The following OLFM3 variants were observed in gnomAD, a reference collection of about 807,000 sequenced individuals.
OLFM3 encodes noelin-3.
A neutral mutation model predicts 48.6 loss-of-function variants in OLFM3; 20 were observed. The observed-to-expected ratio is 0.41, with a 90% confidence interval of 0.29 to 0.60. The LOEUF (loss-of-function observed/expected upper bound fraction) is 0.60. OLFM3 is among the 20% of genes least tolerant of loss of function. The pLI, the probability that OLFM3 is intolerant of heterozygous loss-of-function variation, is 0.28. For synonymous variants in OLFM3, 222 were observed against 198.1 expected (o/e 1.12, Z -1.01); for missense variants, 437 against 544.3 (o/e 0.80, Z 1.96).
intron 1 of OLFM3, among the ~76,000 whole-genome samples, chr1:101,854,948 A>G (rs181866605): frequency 1.1e-3 from 162 of 152,214 alleles, no homozygotes; most frequent in African/African-American, 3.7e-3. Flanking sequence ...TCAGTGCTCA[A>G]TCAATGTTTG....
At chr1:101,963,018 T>C (rs1215257002) in intron 1 of OLFM3, among the ~76,000 whole-genome samples, 1 of 152,238 alleles carries the variant, frequency 6.6e-6, no homozygotes, top group Non-Finnish European at 1.5e-5. Flanking sequence ...AATTCCCTAG[T>C]GGGCTCTCTT....
rs1017697806 is a variant in OLFM3 at position 101,968,520 on chromosome 1, CTCTT to C, written c.69+28224_69+28227del. ...AAACTTAAATGAAAAAGAACTTCCT[CTCTT>C]TTTGTTCTGAAAAAAAAAAAAAAAA... is the stretch of plus-strand genomic sequence containing the variant. On this transcript the variant is annotated intron_variant, in intron 1 of 5. Coordinates refer to ENST00000370103, the MANE Select transcript of OLFM3 (RefSeq NM_058170.4). Among the ~76,000 whole-genome samples the C allele has an allele frequency of 4.8e-5, 5 of 104,206 alleles. No homozygotes were observed. The Admixed American group carries it at 6.3e-4, about 13-fold the overall frequency. The allele number at this position is 104,206 out of a possible 152,430, so 68.4% of individuals were successfully genotyped here.
intron 4 of OLFM3, among the ~76,000 whole-genome samples, chr1:101,807,371 T>G (rs1206666812): frequency 6.6e-6 from 1 of 151,828 alleles, no homozygotes; most frequent in Non-Finnish European, 1.5e-5. Context: ...TTTCTTTTCT[T>G]AAAACTCTTT....
chr1:101,907,496 G>C (rs1333789477), intron 1 of OLFM3, among the ~76,000 whole-genome samples: 1 of 152,170 alleles, frequency 6.6e-6, no homozygotes, highest in Admixed American at 6.5e-5. Flanking sequence ...CTCTGACTTT[G>C]ATAGCTGTTT....
chr1:101,995,967 A>G (rs1661545359), intron 1 of OLFM3, among the ~76,000 whole-genome samples: 1 of 152,154 alleles, frequency 6.6e-6, no homozygotes, highest in Non-Finnish European at 1.5e-5. Flanking sequence ...ATCGTTGAAA[A>G]TATTTGTCCA....
intron 1 of OLFM3, among the ~76,000 whole-genome samples, chr1:101,916,342 T>C (rs1658924457): frequency 6.6e-6 from 1 of 152,154 alleles, no homozygotes; most frequent in Non-Finnish European, 1.5e-5. Context: ...GTCTTCCCTC[T>C]GAGATATTAC....
intron 1 of OLFM3, among the ~76,000 whole-genome samples, chr1:101,859,620 A>C (rs1447691826): frequency 6.6e-6 from 1 of 152,134 alleles, no homozygotes; most frequent in Admixed American, 6.5e-5. Context: ...CCAAAAATCC[A>C]AAATCCAAAA....
chr1:101,850,606 G>A (rs1156966099), intron 1 of OLFM3, among the ~76,000 whole-genome samples: 1 of 151,842 alleles, frequency 6.6e-6, no homozygotes, highest in Non-Finnish European at 1.5e-5. Flanking sequence ...GTTTCTAGAA[G>A]ACACAACCTA....
At chr1:101,978,411 T>C (rs1486037049) in intron 1 of OLFM3, among the ~76,000 whole-genome samples, 1 of 152,138 alleles carries the variant, frequency 6.6e-6, no homozygotes, top group East Asian at 1.9e-4. Context: ...AATTTTAAAT[T>C]GTTATGTTTA....
intron 1 of OLFM3, among the ~76,000 whole-genome samples, chr1:101,967,064 ATTAAACTTCC>A (rs1241620128): frequency 6.6e-6 from 1 of 152,146 alleles, no homozygotes. Context: ...TGCTATTTAT[ATTAAACTTCC>A]TCCAGGCTGT....
At chr1:101,859,435 A>T (rs915957444) in intron 1 of OLFM3, among the ~76,000 whole-genome samples, 3 of 152,130 alleles carry the variant, frequency 2.0e-5, no homozygotes, top group Admixed American at 6.5e-5. Context: ...CACATTACAC[A>T]GGATTTTGTG....
chr1:101,895,682 T>C (rs996834382), intron 1 of OLFM3, among the ~76,000 whole-genome samples: 1 of 152,158 alleles, frequency 6.6e-6, no homozygotes, highest in African/African-American at 2.4e-5. Flanking sequence ...GTTTACAAAT[T>C]GTGTGGCTTC....
chr1:101,947,775 T>C (rs1295335271), intron 1 of OLFM3, among the ~76,000 whole-genome samples: 1 of 152,034 alleles, frequency 6.6e-6, no homozygotes, highest in Admixed American at 6.5e-5. Context: ...CATATGATTT[T>C]CGGTGAGTTA....
intron 1 of OLFM3, among the ~76,000 whole-genome samples, chr1:101,885,024 C>T (rs1367332523): frequency 3.9e-5 from 6 of 151,906 alleles, no homozygotes; most frequent in Admixed American, 1.3e-4. Context: ...CAGGAAAGTC[C>T]ATTGAAGATG....
chr1:101,991,861 C>A (rs1023856757), intron 1 of OLFM3, among the ~76,000 whole-genome samples: 3 of 151,622 alleles, frequency 2.0e-5, no homozygotes, highest in South Asian at 2.1e-4. Flanking sequence ...GCTTTAAAGG[C>A]AAAACCGAGA....
chr1:101,876,622 T>A (rs1373779912), intron 1 of OLFM3, among the ~76,000 whole-genome samples: 3 of 152,034 alleles, frequency 2.0e-5, no homozygotes, highest in African/African-American at 7.2e-5. Flanking sequence ...TTGTAAACAA[T>A]AAAGTAGTAT....
chr1:101,820,547 A>G (rs1654562726), intron 4 of OLFM3, among the ~76,000 whole-genome samples: 2 of 152,066 alleles, frequency 1.3e-5, no homozygotes, highest in Non-Finnish European at 2.9e-5. Flanking sequence ...AGAAAAGGAC[A>G]TTACTGTACC....
intron 1 of OLFM3, among the ~76,000 whole-genome samples, chr1:101,925,333 T>A (rs536604654): frequency 1.1e-4 from 17 of 152,184 alleles, no homozygotes; most frequent in South Asian, 4.2e-4. Context: ...GCGTTTTTTT[T>A]AATGAAATAT....
chr1:101,833,142 G>A (rs1655244790), intron 2 of OLFM3, among the ~76,000 whole-genome samples: 1 of 152,166 alleles, frequency 6.6e-6, no homozygotes, highest in South Asian at 2.1e-4. Context: ...TCTGGATAAA[G>A]TTAAAATAGC....
Sources: gnomAD v4.1 joint callset for allele counts (sites outside exome capture counted in the v4.1 genomes callset) on GRCh38, gnomAD v4.1.1 for gene constraint, MANE v1.5 for transcripts, NCBI Gene and HGNC (gene_info 2026-07-23, HGNC 2026-07-21) for gene names.